The following TMEM131 variants were observed in gnomAD, a reference collection of about 807,000 sequenced individuals.
TMEM131 encodes 2610524E03Rik.
In TMEM131, 66 loss-of-function variants were observed where a neutral mutation model predicts 211.6. The observed-to-expected ratio is 0.31, with a 90% CI of 0.26 to 0.38. The LOEUF (loss-of-function observed/expected upper bound fraction) is 0.38, where lower values mean the gene tolerates loss of function less well. TMEM131 is among the 10% of genes least tolerant of loss of function. The pLI is 1.00. For missense variants in TMEM131, 2,036 were observed against 2,299.3 expected (o/e 0.89, Z 2.34); for synonymous variants, 844 against 841.3 (o/e 1.00, Z -0.06).
chr2:97,912,783 A>G (rs1432120338), intron 2 of TMEM131, among the ~76,000 whole-genome samples: 1 of 152,114 alleles, frequency 6.6e-6, no homozygotes, highest in Non-Finnish European at 1.5e-5. Context: ...CTCGCTCCTC[A>G]CTAGGGTGCA....
chr2:97,913,823 G>A (rs936235173), intron 2 of TMEM131, among the ~76,000 whole-genome samples: 2 of 152,094 alleles, frequency 1.3e-5, no homozygotes, highest in East Asian at 1.9e-4. Context: ...ACACAAACCC[G>A]TGGTACCAGG....
chr2:97,772,529 A>C (rs1679515706), intron 32 of TMEM131, 105 bp from the exon 33 acceptor site: 1 of 1,251,656 alleles, frequency 8.0e-7, no homozygotes, highest in Non-Finnish European at 1.1e-6. Context: ...AAATATACAC[A>C]TCATATACGT....
chr2:97,792,432 T>C lies in TMEM131; in HGVS notation c.4098A>G (p.Leu1366=), dbSNP rs532863074. ...ATGGAGGCTGCTCTGTAAACACTTC[T>C]AGGGCTGGGGAGTCATGGTGGTCGA... ...KDFDHHDSPA[L]EVFTEQPPSP... The change falls in exon 31 of 41, where the codon CTA becomes CTG. Residue 1366 remains leucine (L), a synonymous_variant. Coordinates refer to ENST00000186436, the MANE Select transcript of TMEM131 (RefSeq NM_015348.2). 38 of 1,611,266 alleles carry C rather than the reference T, an allele frequency of 2.4e-5. No homozygotes were observed. In the South Asian group the frequency reaches 4.0e-4, roughly 17 times the overall value.
At chr2:97,769,692 C>G (rs1679374133) in intron 33 of TMEM131, among the ~76,000 whole-genome samples, 1 of 152,158 alleles carries the variant, frequency 6.6e-6, no homozygotes, top group Non-Finnish European at 1.5e-5. Context: ...AATAGAAAAA[C>G]AAAAGGATCA....
Position 97,844,164 on chromosome 2 carries a change from T to A in TMEM131, c.581A>T (p.His194Leu). Residue 194 changes from histidine (H) to leucine (L), a missense_variant, in exon 6 of 41, where the codon CAT becomes CTT. This residue lies in a region of TMEM131 where 277 missense variants were observed against 378.0 expected (regional missense o/e 0.73). Coordinates refer to ENST00000186436, the MANE Select transcript of TMEM131 (RefSeq NM_015348.2). Reference protein sequence around the residue: ...ENTLFINTSNHGVFTYQVFGV... With the variant: ...ENTLFINTSNLGVFTYQVFGV... Reference sequence around the variant, plus strand: ...TCTTACCTGGTAAGTAAATACCCCATGATTAGATGTATTAATAAATAAAGT... The same window carrying A: ...TCTTACCTGGTAAGTAAATACCCCAAGATTAGATGTATTAATAAATAAAGT... 8.8e-7 allele frequency: 1 copy of A among 1,140,726 alleles called. No homozygotes were observed. The highest frequency in any genetic ancestry group is 1.2e-6 in the Non-Finnish European group (1 of 847,792). The allele number at this position is 1,140,726 out of a possible 1,614,324, so 70.7% of individuals were successfully genotyped here.
intron 1 of TMEM131, among the ~76,000 whole-genome samples, chr2:97,953,115 G>A (rs1175464971): frequency 4.6e-5 from 7 of 152,152 alleles, no homozygotes; most frequent in Admixed American, 4.6e-4. Flanking sequence ...AAAGGAAGGG[G>A]TAAATATAAG....
intron 3 of TMEM131, among the ~76,000 whole-genome samples, chr2:97,889,990 A>G (rs1451367995): frequency 6.6e-6 from 1 of 152,198 alleles, no homozygotes; most frequent in Non-Finnish European, 1.5e-5. Context: ...GAGGAGGGAC[A>G]CTGCTGCCAA....
intron 2 of TMEM131, among the ~76,000 whole-genome samples, chr2:97,915,235 C>T (rs1676462051): frequency 1.3e-5 from 2 of 152,174 alleles, no homozygotes; most frequent in South Asian, 4.1e-4. Flanking sequence ...GAAACTAGGT[C>T]CATTGTCAGG....
At chr2:97,830,143 A>AAAC (rs1553602868) in intron 11 of TMEM131, among the ~76,000 whole-genome samples, 1 of 150,170 alleles carries the variant, frequency 6.7e-6, no homozygotes, top group African/African-American at 2.4e-5. Flanking sequence ...AAAAAAAAAA[A>AAAC]AAAAAAAAAA....
chr2:97,806,465 C>T (rs1312318423), intron 19 of TMEM131, among the ~76,000 whole-genome samples: 1 of 152,218 alleles, frequency 6.6e-6, no homozygotes, highest in Middle Eastern at 3.4e-3. Flanking sequence ...CACTTGAACT[C>T]GGGAAGCGGA....
chr2:97,784,454 G>A (rs887275333), intron 31 of TMEM131, among the ~76,000 whole-genome samples: 3 of 151,994 alleles, frequency 2.0e-5, no homozygotes, highest in Non-Finnish European at 2.9e-5. Context: ...AGAAAGATAG[G>A]AAAAGTCTCC....
chr2:97,793,011 G>A, intron 30 of TMEM131, 27 bp from the exon 31 acceptor site: 1 of 1,433,046 alleles, frequency 7.0e-7, no homozygotes, highest in South Asian at 1.4e-5. Context: ...CTGCAGATCA[G>A]TAAATAGCAA....
At chr2:97,971,862 A>T (rs943305061) in intron 1 of TMEM131, among the ~76,000 whole-genome samples, 2 of 151,892 alleles carry the variant, frequency 1.3e-5, no homozygotes, top group Non-Finnish European at 2.9e-5. Context: ...ACCCTGTCTT[A>T]AAAAAATAAG....
intron 1 of TMEM131, among the ~76,000 whole-genome samples, chr2:97,967,900 T>C (rs1354191455): frequency 6.6e-6 from 1 of 151,940 alleles, no homozygotes; most frequent in Admixed American, 6.5e-5. Context: ...GTTGTTTTTT[T>C]TTTTGGAGAG....
chr2:97,909,114 T>C (rs1225939113), intron 2 of TMEM131, among the ~76,000 whole-genome samples: 1 of 152,056 alleles, frequency 6.6e-6, no homozygotes, highest in Non-Finnish European at 1.5e-5. Context: ...TATACTGAAA[T>C]AGGATTATCA....
At position 97,801,436 on chromosome 2, in the gene TMEM131, T is replaced by G. The variant is rs551791987; in HGVS notation, c.2718+459A>C. On this transcript the variant is annotated intron_variant, in intron 25 of 40. Coordinates refer to ENST00000186436, the MANE Select transcript of TMEM131 (RefSeq NM_015348.2). ...TGTTTATAAATAAAAGATTATCCAT[T>G]GAGTGAAAATCATGCATATTACCAT... 5.1e-4 allele frequency among the ~76,000 whole-genome samples: 78 copies of G among 152,340 alleles called. 1 individual carries two copies. The highest frequency in any genetic ancestry group is 1.8e-3 in the African/African-American group (74 of 41,586).
intron 3 of TMEM131, among the ~76,000 whole-genome samples, chr2:97,889,817 G>A (rs766366297): frequency 1.2e-4 from 18 of 152,102 alleles, no homozygotes; most frequent in Admixed American, 8.5e-4. Flanking sequence ...GCCAGTTACC[G>A]TCTATTGGCT....
intron 11 of TMEM131, among the ~76,000 whole-genome samples, chr2:97,826,549 G>A (rs535589880): frequency 6.6e-6 from 1 of 151,730 alleles, no homozygotes. Context: ...CCAGCAGAAA[G>A]GAAAGAGAGA....
intron 4 of TMEM131, 107 bp downstream of exon 4, chr2:97,887,945 T>A: frequency 5.9e-6 from 5 of 845,876 alleles, no homozygotes; most frequent in Non-Finnish European, 9.4e-6. Flanking sequence ...GACTAGAACA[T>A]GTAACTTTCC....
Sources: gnomAD v4.1 joint callset for allele counts (sites outside exome capture counted in the v4.1 genomes callset) on GRCh38, gnomAD v4.1.1 for gene constraint, gnomAD v4.1.1 regional missense constraint, MANE v1.5 for transcripts, NCBI Gene and HGNC (gene_info 2026-07-23, HGNC 2026-07-21) for gene names.